INTS7: variants seen among roughly 807,000 people sequenced by gnomAD.
The protein encoded by INTS7 is chromosome 1 open reading frame 73.
Under a neutral mutation model 109.2 loss-of-function variants are expected in INTS7, and 46 were observed. The observed-to-expected ratio is 0.42, with a 90% CI of 0.33 to 0.54. The LOEUF (loss-of-function observed/expected upper bound fraction) is 0.54. Ranked by LOEUF, INTS7 falls within the 20% of genes least tolerant of loss-of-function variation. INTS7 has a pLI of 0.07. For synonymous variants in INTS7, 412 were observed against 402.9 expected, an observed-to-expected ratio of 1.02 and a Z score of -0.27; for missense variants, 929 against 1,132.4, an observed-to-expected ratio of 0.82 and a Z score of 2.58.
chr1:211,968,664 A>T lies in INTS7; in HGVS notation c.1859T>A (p.Phe620Tyr), dbSNP rs1367017417. 3.7e-6 allele frequency: 6 copies of T among 1,613,990 alleles called. No homozygotes were observed. The highest frequency in any genetic ancestry group is 2.2e-5 in the East Asian group (1 of 44,872). ...PLNPLSFQCEFVKLRIDLLQA... is the reference protein window; with the variant it reads ...PLNPLSFQCEYVKLRIDLLQA... The stretch of plus-strand genomic sequence containing the variant: ...TAAAAGGTCAATCCTGAGTTTTACA[A>T]ATTCACACTGAAAGCTTAAAGGATT... Residue 620 changes from phenylalanine to tyrosine, a missense_variant, in exon 14 of 20, where the codon TTT becomes TAT. By Grantham distance (22) the Phe-to-Tyr change is conservative. Coordinates refer to ENST00000366994, the MANE Select transcript of INTS7 (RefSeq NM_015434.4).
At chr1:212,001,196 T>A (rs1665657866) in intron 7 of INTS7, among the ~76,000 whole-genome samples, 1 of 151,826 alleles carries the variant, frequency 6.6e-6, no homozygotes, top group Non-Finnish European at 1.5e-5. Context: ...CCTCCCAAAG[T>A]AGCTGGGATT....
intron 16 of INTS7, among the ~76,000 whole-genome samples, chr1:211,954,229 T>C (rs1261845352): frequency 1.3e-5 from 2 of 152,078 alleles, no homozygotes; most frequent in African/African-American, 4.8e-5. Context: ...TGTCCTTCGC[T>C]CACTTTTTGA....
intron 7 of INTS7, among the ~76,000 whole-genome samples, chr1:212,003,306 A>C (rs1259908456): frequency 1.0e-5 from 1 of 98,596 alleles, no homozygotes; most frequent in South Asian, 2.8e-4. Context: ...ATTTTAAAGC[A>C]AAAAAAAAAA....
intron 16 of INTS7, among the ~76,000 whole-genome samples, chr1:211,960,411 C>T (rs1323469264): frequency 2.0e-5 from 3 of 152,062 alleles, no homozygotes; most frequent in Non-Finnish European, 4.4e-5. Context: ...TTTTTTCTTC[C>T]GAATGACTGC....
At position 212,035,488 on chromosome 1, in the gene INTS7, C is replaced by A; in HGVS notation, c.-51G>T. 1 of 1,327,234 alleles carries A rather than the reference C, an allele frequency of 7.5e-7. No individual in the cohort carries two copies. The highest frequency in any genetic ancestry group is 1.1e-6 in the Non-Finnish European group (1 of 919,170). The allele number at this position is 1,327,234 out of a possible 1,614,324, so 82.2% of individuals were successfully genotyped here. On this transcript the variant is annotated 5_prime_UTR_variant, in exon 1 of 20. Coordinates refer to ENST00000366994, the MANE Select transcript of INTS7 (RefSeq NM_015434.4). ...TAGTCAGAAAGCTTGCAAACTCTACCCCAGGACCGCCATCTTCCCCCGCCG... is the reference window on the plus strand; with the variant it reads ...TAGTCAGAAAGCTTGCAAACTCTACACCAGGACCGCCATCTTCCCCCGCCG...
chr1:212,016,143 T>C (rs562275634), intron 4 of INTS7, among the ~76,000 whole-genome samples: 19 of 152,354 alleles, frequency 1.2e-4, no homozygotes, highest in Admixed American at 3.3e-4. Context: ...CTTTTGTTGT[T>C]ACAAGTAACA....
intron 1 of INTS7, among the ~76,000 whole-genome samples, chr1:212,034,032 G>A (rs929028066): frequency 1.3e-5 from 2 of 152,020 alleles, no homozygotes; most frequent in Non-Finnish European, 2.9e-5. Flanking sequence ...GCAGTGAGCC[G>A]AGATGGCGCC....
intron 1 of INTS7, among the ~76,000 whole-genome samples, chr1:212,027,046 G>A (rs944782760): frequency 2.0e-5 from 3 of 152,206 alleles, no homozygotes; most frequent in South Asian, 4.1e-4. Flanking sequence ...TCATTCCTCT[G>A]TAACAACGCC....
At chr1:211,953,686 T>C (rs964624213) in intron 16 of INTS7, among the ~76,000 whole-genome samples, 1 of 151,418 alleles carries the variant, frequency 6.6e-6, no homozygotes, top group Non-Finnish European at 1.5e-5. Context: ...TTGCTGAGAA[T>C]GATGATTTCC....
chr1:211,952,752 A>G (rs1663159452), intron 16 of INTS7, 51 bp from the exon 17 acceptor site: 11 of 1,415,180 alleles, frequency 7.8e-6, no homozygotes, highest in African/African-American at 1.4e-5. Context: ...ATGGCTATTT[A>G]ATGCCTACAT....
In INTS7 at chr1:212,016,766, C is replaced by T. The variant is rs978624404; in HGVS notation, c.509+120G>A. Reference sequence around the variant, plus strand: ...ATAAGGTAAACCTTCTTGGAAAACACACCTTGTAATTTACACTTTCCTGTA... The same window carrying T: ...ATAAGGTAAACCTTCTTGGAAAACATACCTTGTAATTTACACTTTCCTGTA... On this transcript the variant is annotated intron_variant, in intron 4 of 19. Coordinates refer to ENST00000366994, the MANE Select transcript of INTS7 (RefSeq NM_015434.4). The T allele has an allele frequency of 6.4e-5, 49 of 762,222 alleles. 1 individual carries two copies. In the Middle Eastern group the frequency reaches 1.4e-3, roughly 22 times the overall value. 47.2% of individuals were successfully genotyped at this position (762,222 alleles called of 1,614,324 possible).
intron 5 of INTS7, among the ~76,000 whole-genome samples, chr1:212,010,800 G>A (rs543700483): frequency 6.6e-6 from 1 of 152,194 alleles, no homozygotes; most frequent in Non-Finnish European, 1.5e-5. Context: ...TACAGCCTAA[G>A]TGTACAGTTG....
chr1:211,989,259 T>C (rs1017631069), intron 7 of INTS7, among the ~76,000 whole-genome samples: 2 of 152,078 alleles, frequency 1.3e-5, no homozygotes, highest in African/African-American at 2.4e-5. Context: ...TGGCAAGGAA[T>C]AGATTCAAAT....
At chr1:211,992,065 T>G (rs192138382) in intron 7 of INTS7, among the ~76,000 whole-genome samples, 8 of 152,300 alleles carry the variant, frequency 5.3e-5, no homozygotes, top group Admixed American at 5.2e-4. Context: ...AAAGTGATTA[T>G]TATTTAATAC....
intron 7 of INTS7, among the ~76,000 whole-genome samples, chr1:211,994,878 T>G (rs889673719): frequency 5.6e-5 from 3 of 53,678 alleles, no homozygotes; most frequent in Non-Finnish European, 1.1e-4. Flanking sequence ...GAAATAATAG[T>G]AAGCTGTGAA....
rs1201867372 is a variant in INTS7, at chr1:211,985,317, T to C, written c.998-2507A>G. ...TATTTGAGCCATTTGTTAGTGATGA[T>C]TTAGACATACTAAATTTAAGTTTGC... On this transcript the variant is annotated intron_variant, in intron 8 of 19. Transcript: ENST00000366994. Among the ~76,000 whole-genome samples, 3 of 152,198 alleles carry C rather than the reference T, an allele frequency of 2.0e-5. No homozygotes were observed. In the South Asian group the frequency reaches 6.2e-4, roughly 32 times the overall value.
chr1:212,035,493 G>C lies in INTS7; in HGVS notation c.-56C>G. On this transcript the variant is annotated 5_prime_UTR_variant, in exon 1 of 20. Coordinates refer to ENST00000366994, the MANE Select transcript of INTS7 (RefSeq NM_015434.4). ...AGAAAGCTTGCAAACTCTACCCCAG[G>C]ACCGCCATCTTCCCCCGCCGCCTTC... 1 of 1,274,866 alleles carries C rather than the reference G, an allele frequency of 7.8e-7. No individual in the cohort carries two copies. Among genetic ancestry groups the C allele is most frequent in the African/African-American group, 1.5e-5 (1 of 68,492 alleles). 79.0% of individuals were successfully genotyped at this position (1,274,866 alleles called of 1,614,324 possible). A position where few individuals can be genotyped will look rare whatever the true frequency, so the allele number is the denominator to read the frequency against.
chr1:211,966,802 G>A (rs866115651), intron 15 of INTS7, among the ~76,000 whole-genome samples: 23 of 152,212 alleles, frequency 1.5e-4, no homozygotes, highest in Middle Eastern at 3.4e-3. Flanking sequence ...CTTAGATATA[G>A]GGGTTTTTCA....
At chr1:212,010,613 A>G (rs1353938757) in intron 5 of INTS7, among the ~76,000 whole-genome samples, 2 of 152,212 alleles carry the variant, frequency 1.3e-5, no homozygotes, top group Admixed American at 1.3e-4. Flanking sequence ...TACGATTATA[A>G]TGGAGCTGAA....
Sources: allele counts gnomAD v4.1 joint callset (sites outside exome capture counted in the v4.1 genomes callset), GRCh38; gene constraint gnomAD v4.1.1; transcripts MANE v1.5; gene names NCBI Gene and HGNC (gene_info 2026-07-23, HGNC 2026-07-21).